The following MAF variants were observed in gnomAD, a reference collection of about 807,000 sequenced individuals.
MAF encodes the protein MAF bZIP transcription factor.
MAF carries 10 observed loss-of-function variants against 22.0 expected under a neutral mutation model. The observed-to-expected ratio is 0.45, with a 90% CI of 0.28 to 0.77. MAF has a LOEUF of 0.77. MAF is among the 30% of genes least tolerant of loss of function. MAF has a pLI of 0.12. For missense variants in MAF, 544 were observed against 548.4 expected (o/e 0.99, Z 0.08); for synonymous variants, 337 against 255.8 (o/e 1.32, Z -3.03).
downstream of MAF, among the ~76,000 whole-genome samples, chr16:79,580,853 G>C (rs554272379): frequency 9.9e-4 from 150 of 152,124 alleles, no homozygotes; most frequent in African/African-American, 3.2e-3. Flanking sequence ...AAAATAAGAA[G>C]TCTGGAGAAA....
At chr16:79,397,493 T>C in the MAF span, among the ~76,000 whole-genome samples, 1 of 152,214 alleles carries the variant, frequency 6.6e-6, no homozygotes, top group Non-Finnish European at 1.5e-5. Flanking sequence ...TAGAAATCAG[T>C]ATGAATAATA....
At chr16:79,224,447 CACAAG>C in the MAF span, among the ~76,000 whole-genome samples, 7 of 152,252 alleles carry the variant, frequency 4.6e-5, no homozygotes, top group Non-Finnish European at 8.8e-5. Context: ...TGAAAACCTG[CACAAG>C]ACAAGGATGC....
the MAF span, chr16:79,212,977 G>GTGAGT: frequency 6.6e-6 from 1 of 151,864 alleles, no homozygotes; most frequent in Admixed American, 6.6e-5. Flanking sequence ...CTTACTTACA[G>GTGAGT]TGAGTTATTT....
chr16:79,436,779 A>C, the MAF span, among the ~76,000 whole-genome samples: 17 of 152,120 alleles, frequency 1.1e-4, no homozygotes, highest in African/African-American at 4.1e-4. Context: ...CCCTCTTGGA[A>C]ACATGAGCTG....
the MAF span, among the ~76,000 whole-genome samples, chr16:79,436,667 G>C: frequency 2.6e-5 from 4 of 152,202 alleles, no homozygotes; most frequent in African/African-American, 7.2e-5. Context: ...TGGTTGCAAA[G>C]ACATTTAAAA....
chr16:79,570,150 T>C, the MAF span, among the ~76,000 whole-genome samples: 1 of 152,118 alleles, frequency 6.6e-6, no homozygotes, highest in Non-Finnish European at 1.5e-5. Context: ...ATGCTTTTCA[T>C]GCTGTTGGAC....
the MAF span, among the ~76,000 whole-genome samples, chr16:79,507,402 C>CACCAA: frequency 6.6e-6 from 1 of 151,534 alleles, no homozygotes; most frequent in Non-Finnish European, 1.5e-5. Flanking sequence ...AGGCGTGAGC[C>CACCAA]ACCAAGCCCA....
chr16:79,411,749 T>G, the MAF span, among the ~76,000 whole-genome samples: 1 of 152,236 alleles, frequency 6.6e-6, no homozygotes, highest in Non-Finnish European at 1.5e-5. Context: ...AGGCTTTTCC[T>G]CTTGCTGCTC....
the MAF span, among the ~76,000 whole-genome samples, chr16:79,361,444 G>T: frequency 6.6e-6 from 1 of 152,200 alleles, no homozygotes; most frequent in Non-Finnish European, 1.5e-5. Flanking sequence ...GAGGCATGGT[G>T]TTGAAGTTTG....
chr16:79,423,149 G>C, the MAF span, among the ~76,000 whole-genome samples: 46 of 152,186 alleles, frequency 3.0e-4, no homozygotes, highest in Non-Finnish European at 5.4e-4. Flanking sequence ...ACATGTTTTA[G>C]AATAAGCATA....
At chr16:79,532,811 T>G in the MAF span, among the ~76,000 whole-genome samples, 80 of 152,324 alleles carry the variant, frequency 5.3e-4, no homozygotes, top group African/African-American at 1.9e-3. Context: ...TCAGATATCT[T>G]TGAAGGAGCA....
the MAF span, among the ~76,000 whole-genome samples, chr16:79,418,428 G>A: frequency 1.3e-5 from 2 of 152,064 alleles, no homozygotes. Context: ...ATTCTGTTGT[G>A]ACAGACAGAA....
the MAF span, among the ~76,000 whole-genome samples, chr16:79,406,492 T>G: frequency 1.3e-5 from 2 of 152,130 alleles, no homozygotes; most frequent in African/African-American, 4.8e-5. Context: ...GGTTCATAGA[T>G]GGTGCCTTCA....
chr16:79,231,192 C>G, the MAF span, among the ~76,000 whole-genome samples: 1 of 152,006 alleles, frequency 6.6e-6, no homozygotes, highest in Admixed American at 6.6e-5. Flanking sequence ...CAAAGTCACT[C>G]TTTGCCAATG....
the MAF span, among the ~76,000 whole-genome samples, chr16:79,307,506 G>A: frequency 6.6e-6 from 1 of 152,212 alleles, no homozygotes; most frequent in East Asian, 1.9e-4. Flanking sequence ...AACCAGAATT[G>A]AGGAAATACC....
At chr16:79,378,221 C>T in the MAF span, among the ~76,000 whole-genome samples, 1 of 152,084 alleles carries the variant, frequency 6.6e-6, no homozygotes, top group African/African-American at 2.4e-5. Context: ...GCAACTGAAA[C>T]AGCCCCCAAA....
the MAF span, among the ~76,000 whole-genome samples, chr16:79,549,652 G>C: frequency 1.3e-5 from 2 of 152,124 alleles, no homozygotes; most frequent in African/African-American, 4.8e-5. Flanking sequence ...AATGATCCCC[G>C]TTGGTTCCAT....
At chr16:79,478,084 A>C in the MAF span, among the ~76,000 whole-genome samples, 1 of 152,200 alleles carries the variant, frequency 6.6e-6, no homozygotes, top group African/African-American at 2.4e-5. Flanking sequence ...TATAAATAAG[A>C]AGACTAAAGC....
At chr16:79,524,509 C>A in the MAF span, among the ~76,000 whole-genome samples, 1 of 152,230 alleles carries the variant, frequency 6.6e-6, no homozygotes, top group Non-Finnish European at 1.5e-5. Flanking sequence ...CAACATTCAT[C>A]AGCAATTTTG....
Sources: gnomAD v4.1 joint callset for allele counts (sites outside exome capture counted in the v4.1 genomes callset) on GRCh38, gnomAD v4.1.1 for gene constraint, MANE v1.5 for transcripts, NCBI Gene and HGNC (gene_info 2026-07-23, HGNC 2026-07-21) for gene names.